PCGF3: variants seen among roughly 807,000 people sequenced by gnomAD.
PCGF3 encodes the protein polycomb group RING finger protein 3.
PCGF3 carries 7 observed loss-of-function variants against 33.1 expected under a neutral mutation model. That is an observed-to-expected ratio of 0.21 (90% CI 0.12 to 0.40). The LOEUF (loss-of-function observed/expected upper bound fraction) is 0.40. Among genes scored for constraint, PCGF3 ranks in the 10% least tolerant of loss-of-function variants. The pLI, the probability that PCGF3 is intolerant of heterozygous loss-of-function variation, is 1.00. For missense variants in PCGF3, 211 were observed against 313.3 expected (o/e 0.67, Z 2.46); for synonymous variants, 153 against 121.3 (o/e 1.26, Z -1.72).
At chr4:735,007 C>T in exon 5 of PCGF3, 3 of 1,612,928 alleles carry the variant, frequency 1.9e-6, no homozygotes, top group East Asian at 2.2e-5. Flanking sequence ...TCCACCAGAG[C>T]CACCCCCTGC....
At chr4:710,141 G>C (rs4690188) in intron 1 of PCGF3, among the ~76,000 whole-genome samples, 36,415 of 152,134 alleles carry the variant, frequency 0.24, 5,007 homozygotes, top group South Asian at 0.35. Flanking sequence ...CCAACAGTCC[G>C]ATGATAACTT....
chr4:714,565 T>C (rs1278578190), intron 1 of PCGF3, among the ~76,000 whole-genome samples: 4 of 152,328 alleles, frequency 2.6e-5, no homozygotes, highest in South Asian at 2.1e-4. Flanking sequence ...CATGTTTTCC[T>C]GAACCAGAGT....
Position 733,632 on chromosome 4 carries a change from AAG to A in PCGF3, c.-9-37_-9-36del, listed in dbSNP as rs776232933. The A allele has an allele frequency of 8.9e-6, 14 of 1,568,650 alleles. No homozygotes were observed. In the South Asian group the frequency reaches 1.6e-4, roughly 18 times the overall value. Reference sequence around the variant, plus strand: ...GCTCAGCCAAGGATGAAAGGCATGGAAGAGTTTCAGGTGTTAATTAATCGCGT... The same window carrying A: ...GCTCAGCCAAGGATGAAAGGCATGGAAGTTTCAGGTGTTAATTAATCGCGT... On this transcript the variant is annotated intron_variant, in intron 3 of 10. Transcript: ENST00000362003.
intron 8 of PCGF3, among the ~76,000 whole-genome samples, chr4:754,723 G>A (rs2152609828): frequency 6.6e-6 from 1 of 152,340 alleles, no homozygotes; most frequent in Middle Eastern, 3.4e-3. Context: ...AGATCGGGGT[G>A]TGCTGTGGGA....
rs1044708545 is a variant in PCGF3 at position 721,275 on chromosome 4, C to G, written c.-189-9355C>G. On this transcript the variant is annotated intron_variant, in intron 1 of 10. Transcript: ENST00000362003. This position sits in a 1 kb window ranked among gnomAD's most constrained non-coding sequence, Gnocchi z 4.1. Reference sequence around the variant, plus strand: ...GCTTTGTGCCTGTGAATCTCAGGAGCTGTTTTCTGGAAAGTTCCATAACTC... The same window carrying G: ...GCTTTGTGCCTGTGAATCTCAGGAGGTGTTTTCTGGAAAGTTCCATAACTC... 2.0e-5 allele frequency among the ~76,000 whole-genome samples: 3 copies of G among 152,204 alleles called. No homozygotes were observed. The highest frequency in any genetic ancestry group is 7.2e-5 in the African/African-American group (3 of 41,444).
chr4:727,535 T>C (rs1743383118), intron 1 of PCGF3, among the ~76,000 whole-genome samples: 1 of 152,112 alleles, frequency 6.6e-6, no homozygotes, highest in Non-Finnish European at 1.5e-5. Flanking sequence ...CCACTATGCT[T>C]GGCTGAGTTT....
chr4:722,592 G>A (rs530430331), intron 1 of PCGF3, among the ~76,000 whole-genome samples: 6 of 137,812 alleles, frequency 4.4e-5, no homozygotes, highest in South Asian at 4.8e-4. Context: ...CCACACTCGC[G>A]TCATCGCCCG....
chr4:733,998 C>T lies in PCGF3; in HGVS notation c.109+209C>T, dbSNP rs1002250334. ...TGGGTGGTGTCAGAGCAGATGAGGCCTCGCTTAGGAGAGCGAAACACAGGA... is the reference window on the plus strand; with the variant it reads ...TGGGTGGTGTCAGAGCAGATGAGGCTTCGCTTAGGAGAGCGAAACACAGGA... On this transcript the variant is annotated intron_variant, in intron 4 of 10. Coordinates refer to ENST00000362003, the Ensembl canonical transcript of PCGF3. 5 of 1,550,964 alleles carry T rather than the reference C, an allele frequency of 3.2e-6. No individual in the cohort carries two copies. The African/African-American group carries it at 5.5e-5, about 17-fold the overall frequency.
At position 743,828 on chromosome 4, in the gene PCGF3, G is replaced by C. The variant is rs1744199668; in HGVS notation, c.373+244G>C. On this transcript the variant is annotated intron_variant, in intron 7 of 10. Transcript: ENST00000362003. ...GAGGGCCCCCCGAGAGTGTCTGGGGGGCAGAGGTCAGGGTTCAGAAGGCCT... is the reference window on the plus strand; with the variant it reads ...GAGGGCCCCCCGAGAGTGTCTGGGGCGCAGAGGTCAGGGTTCAGAAGGCCT... 9.7e-6 allele frequency: 4 copies of C among 412,874 alleles called. No homozygotes were observed. In the East Asian group the frequency reaches 1.7e-4, roughly 18 times the overall value. The allele number at this position is 412,874 out of a possible 1,614,324, so 25.6% of individuals were successfully genotyped here. A position where few individuals can be genotyped will look rare whatever the true frequency, so the allele number is the denominator to read the frequency against.
At position 734,556 on chromosome 4, in the gene PCGF3, T is replaced by C. The variant is rs575184159; in HGVS notation, c.110-375T>C. 5.9e-5 allele frequency: 69 copies of C among 1,168,924 alleles called. No individual in the cohort carries two copies. In the Admixed American group the frequency reaches 1.8e-3, roughly 31 times the overall value. The allele number at this position is 1,168,924 out of a possible 1,614,324, so 72.4% of individuals were successfully genotyped here. Reference sequence around the variant, plus strand: ...GTTAGGTTATTTTCATTTGATTTTATCTAGTTGTACGTAGAAGATACTGTC... The same window carrying C: ...GTTAGGTTATTTTCATTTGATTTTACCTAGTTGTACGTAGAAGATACTGTC... On this transcript the variant is annotated intron_variant, in intron 4 of 10. Transcript: ENST00000362003.
exon 11 of PCGF3, chr4:768,834 G>A (rs964516137): frequency 4.6e-5 from 7 of 152,696 alleles, no homozygotes; most frequent in Non-Finnish European, 8.8e-5. Context: ...TTTTTACTTT[G>A]AGTAGCTTTT....
At chr4:762,214 G>A (rs980843321) in intron 9 of PCGF3, 2 of 533,402 alleles carry the variant, frequency 3.7e-6, no homozygotes, top group Non-Finnish European at 4.8e-6. Flanking sequence ...AAGGATTTTG[G>A]GATGAAATAA....
intron 1 of PCGF3, chr4:722,427 G>T: frequency 4.0e-6 from 1 of 252,998 alleles, no homozygotes; most frequent in South Asian, 3.5e-5. Flanking sequence ...AGTGTTTTGG[G>T]GGTGTCTGAG....
rs1379318860 is a variant in PCGF3 at position 744,953 on chromosome 4, TCTC to T, written c.462+267_462+269del. Among the ~76,000 whole-genome samples the T allele has an allele frequency of 1.3e-3, 14 of 10,806 alleles. 4 individuals are homozygous for T. Among genetic ancestry groups the T allele is most frequent in the South Asian group, 6.0e-3 (2 of 332 alleles). 7.1% of individuals were successfully genotyped at this position (10,806 alleles called of 152,430 possible). A position where few individuals can be genotyped will look rare whatever the true frequency, so the allele number is the denominator to read the frequency against. On this transcript the variant is annotated intron_variant, in intron 8 of 10. Transcript: ENST00000362003. ...CCGGGGGTCGCTGCAGTGTTAGTGC[TCTC>T]CGTGGAGGCGTGAGCAGGTGGGCGG...
intron 6 of PCGF3, among the ~76,000 whole-genome samples, chr4:742,554 C>T (rs529275322): frequency 1.3e-5 from 2 of 152,376 alleles, no homozygotes; most frequent in South Asian, 4.1e-4. Flanking sequence ...CAGTGACCCA[C>T]GTCGTCCACT....
intron 9 of PCGF3, chr4:764,695 GCCTGCA>G: frequency 6.0e-6 from 2 of 334,730 alleles, no homozygotes; most frequent in South Asian, 7.7e-5. Context: ...TTGTGCCTGC[GCCTGCA>G]CCCCCTGCAG....
At chr4:738,606 T>C (rs1331243248) in intron 6 of PCGF3, among the ~76,000 whole-genome samples, 1 of 151,812 alleles carries the variant, frequency 6.6e-6, no homozygotes. Flanking sequence ...TCCCAGCACT[T>C]TGGGAGGCCG....
chr4:734,389 G>C, intron 4 of PCGF3: 1 of 1,392,152 alleles, frequency 7.2e-7, no homozygotes, highest in Non-Finnish European at 9.3e-7. Context: ...TGTTTAAACA[G>C]GATCTTTAAA....
At chr4:719,984 T>C (rs529338637) in intron 1 of PCGF3, among the ~76,000 whole-genome samples, 1 of 152,304 alleles carries the variant, frequency 6.6e-6, no homozygotes, top group East Asian at 1.9e-4. Context: ...GAACAGCTAA[T>C]GTTGGGCTGG....
Sources: gnomAD v4.1 joint callset for allele counts (sites outside exome capture counted in the v4.1 genomes callset) on GRCh38, gnomAD v4.1.1 for gene constraint, Gnocchi (gnomAD v3.1) non-coding constraint, MANE v1.5 for transcripts, NCBI Gene and HGNC (gene_info 2026-07-23, HGNC 2026-07-21) for gene names.